UBXN6: variants seen among roughly 807,000 people sequenced by gnomAD.
UBXN6 encodes the protein UBX domain protein 6.
In UBXN6, 44 loss-of-function variants were observed where a neutral mutation model predicts 51.4. The observed-to-expected ratio is 0.86, with a 90% CI of 0.67 to 1.10. The LOEUF (loss-of-function observed/expected upper bound fraction) is 1.10, where lower values mean the gene tolerates loss of function less well. Among genes scored for constraint, UBXN6 ranks in the 50% least tolerant of loss-of-function variants. UBXN6 has a pLI of 0.00. For synonymous variants in UBXN6, 316 were observed against 263.2 expected, an observed-to-expected ratio of 1.20 and a Z score of -1.94; for missense variants, 672 against 596.1, an observed-to-expected ratio of 1.13 and a Z score of -1.32.
At chr19:4,450,963 A>G (rs892523599) in intron 4 of UBXN6, 9 of 152,212 alleles carry the variant, frequency 5.9e-5, no homozygotes, top group African/African-American at 1.9e-4. Flanking sequence ...GATTTACAGT[A>G]TGGTGAGAGG....
chr19:4,445,964 G>A, intron 10 of UBXN6, 85 bp downstream of exon 10: 3 of 1,508,664 alleles, frequency 2.0e-6, no homozygotes, highest in Non-Finnish European at 1.8e-6. Flanking sequence ...GAACAAGGAG[G>A]CTCCCTCCTG....
chr19:4,448,404 G>C lies in UBXN6; in HGVS notation c.453C>G (p.Thr151=), dbSNP rs772380278. 3.1e-6 allele frequency: 5 copies of C among 1,606,908 alleles called. No individual in the cohort carries two copies. The South Asian group carries it at 4.4e-5, about 14-fold the overall frequency. The change falls in exon 5 of 11, where the codon ACC becomes ACG. Residue 151 remains threonine, a synonymous_variant. Transcript: ENST00000301281. ...TCATGATGGAGGCGGCCACTGGGTC[G>C]GTGGAGAAGTGCTGGGAGGAGGGAA... ...IKEAILLHFS[T]DPVAASIMKI...
In UBXN6 at chr19:4,452,490, T is replaced by C. The variant is rs767747500; in HGVS notation, c.315A>G (p.Val105=). The C allele has an allele frequency of 3.7e-6, 6 of 1,610,462 alleles. No homozygotes were observed. Among genetic ancestry groups the C allele is most frequent in the Non-Finnish European group, 5.1e-6 (6 of 1,179,474 alleles). The change falls in exon 4 of 11, where the codon GTA becomes GTG. Residue 105 remains valine, a splice_region_variant and synonymous_variant. Transcript: ENST00000301281. The part of the protein sequence containing the change: ...GSPEAPGTNV[V]SEPREEGSAH... ...CAGAGCCTTCCTCTCTGGGCTCAGATACCTGGGGCGGTGAAAGCGTCCAAG... is the reference window on the plus strand; with the variant it reads ...CAGAGCCTTCCTCTCTGGGCTCAGACACCTGGGGCGGTGAAAGCGTCCAAG...
chr19:4,453,613 G>C, intron 2 of UBXN6, 91 bp from the exon 3 acceptor site: 1 of 1,477,284 alleles, frequency 6.8e-7, no homozygotes, highest in African/African-American at 1.4e-5. Context: ...GGGTGGGCCT[G>C]GGGGCCACGC....
upstream of UBXN6, chr19:4,457,800 A>ATT (rs1568194781): frequency 2.4e-5 from 9 of 371,146 alleles, 1 homozygote; most frequent in African/African-American, 5.3e-5. Flanking sequence ...AAAATTAAAA[A>ATT]AAAAAAAAAA....
At chr19:4,457,094 C>T (rs1484999234) in intron 1 of UBXN6, among the ~76,000 whole-genome samples, 1 of 152,158 alleles carries the variant, frequency 6.6e-6, no homozygotes. Context: ...AGCTGTGCGT[C>T]CTCCTCCAAG....
chr19:4,454,118 AGT>A, intron 1 of UBXN6, 25 bp from the exon 2 acceptor site: 1 of 1,504,360 alleles, frequency 6.6e-7, no homozygotes, highest in South Asian at 1.3e-5. Context: ...AGGGAGAGTG[AGT>A]GTATCCTCCC....
Position 4,446,279 on chromosome 19 carries a change from C to A in UBXN6, c.1051+4G>T. 6.4e-7 allele frequency: 1 copy of A among 1,570,966 alleles called. No homozygotes were observed. ...CGCCCTCCACGGGCATCGTTGGTGC[C>A]CACCCTGCAGGAGGCAGCCATCGGG... On this transcript the variant is annotated splice_donor_region_variant and intron_variant, in intron 9 of 10. Coordinates refer to ENST00000301281, the MANE Select transcript of UBXN6 (RefSeq NM_025241.3).
At chr19:4,447,029 C>T in intron 6 of UBXN6, 109 bp from the exon 7 acceptor site, 1 of 1,130,162 alleles carries the variant, frequency 8.8e-7, no homozygotes, top group Non-Finnish European at 1.3e-6. Context: ...AGCTGTCGAC[C>T]CCTGGATGGG....
In UBXN6 at chr19:4,446,193, A is replaced by C; in HGVS notation, c.1056T>G (p.Thr352=). 2.5e-6 allele frequency: 4 copies of C among 1,603,466 alleles called. 1 individual carries two copies. The South Asian group carries it at 4.4e-5, about 18-fold the overall frequency. Reference sequence around the variant, plus strand: ...CCCCCAGCCGCTCCCGAGCGTAGAAAGTGCCTGGGGAGTGGGGGAGTCAGA... The same window carrying C: ...CCCCCAGCCGCTCCCGAGCGTAGAACGTGCCTGGGGAGTGGGGGAGTCAGA... The part of the protein sequence containing the change: ...RLPDGCLLQG[T]FYARERLGAV... Residue 352 remains threonine, a synonymous_variant, in exon 10 of 11, where the codon ACT becomes ACG. Coordinates refer to ENST00000301281, the MANE Select transcript of UBXN6 (RefSeq NM_025241.3).
chr19:4,455,386 G>T, intron 1 of UBXN6: 1 of 791,896 alleles, frequency 1.3e-6, no homozygotes, highest in Non-Finnish European at 1.5e-6. Flanking sequence ...ATCTTGGGTG[G>T]AAGAGGAGAT....
chr19:4,449,416 G>A (rs927852402), intron 4 of UBXN6: 1 of 152,416 alleles, frequency 6.6e-6, no homozygotes, highest in Non-Finnish European at 1.5e-5. Context: ...TACACACTGA[G>A]CCGGGGCTCA....
intron 4 of UBXN6, 91 bp from the exon 5 acceptor site, chr19:4,448,506 G>C (rs1381090317): frequency 9.4e-7 from 1 of 1,067,038 alleles, no homozygotes; most frequent in Non-Finnish European, 1.4e-6. Context: ...GAAAAGGAAG[G>C]CAGAACAGCG....
At position 4,446,061 on chromosome 19, in the gene UBXN6, G is replaced by A. The variant is rs1167352893; in HGVS notation, c.1188C>T (p.Asn396=). ...GGCCGACACTCACCAGCCCGCACTC[G>A]TTCAAGGCCAGGTTCTCGTCCTCGG... ...KLSEDENLAL[N]ECGLVPSALL... is the part of the protein sequence containing the mutation. Residue 396 remains asparagine, a synonymous_variant, in exon 10 of 11, where the codon AAC becomes AAT. Coordinates refer to ENST00000301281, the MANE Select transcript of UBXN6 (RefSeq NM_025241.3). The A allele has an allele frequency of 5.0e-6, 8 of 1,611,828 alleles. No homozygotes were observed. The highest frequency in any genetic ancestry group is 4.5e-5 in the East Asian group (2 of 44,872).
chr19:4,446,811 A>T lies in UBXN6; in HGVS notation c.700+25T>A, dbSNP rs752239845. On this transcript the variant is annotated intron_variant, in intron 7 of 10. Transcript: ENST00000301281. ...CCGAGGCCCCTCGTCCCCATTCCCT[A>T]CTCAGCCAGGCCCTGTCCACTTACC... The T allele has an allele frequency of 6.2e-6, 10 of 1,613,546 alleles. No individual in the cohort carries two copies. In the South Asian group the frequency reaches 1.1e-4, roughly 18 times the overall value.
At chr19:4,457,293 G>C (rs1234443435) in intron 1 of UBXN6, among the ~76,000 whole-genome samples, 2 of 118,960 alleles carry the variant, frequency 1.7e-5, no homozygotes, top group Non-Finnish European at 3.5e-5. Flanking sequence ...CCACTGCATC[G>C]GACCCTCCTG....
intron 2 of UBXN6, 141 bp downstream of exon 2, chr19:4,453,789 C>T (rs1974695499): frequency 7.6e-7 from 1 of 1,309,564 alleles, no homozygotes; most frequent in Non-Finnish European, 1.0e-6. Context: ...CTTCCCCCAG[C>T]ACCTGCCCTT....
Position 4,445,618 on chromosome 19 carries a change from G to C in UBXN6, c.1206C>G (p.Pro402=). ...CCCACGAGAAGGTCAGGAGGGCAGA[G>C]GGCACCTGCGGTAGGGGTAGGCCGT... ...NLALNECGLV[P]SALLTFSWDM... The change falls in exon 11 of 11, where the codon CCC becomes CCG. Residue 402 remains proline (P), a synonymous_variant. Transcript: ENST00000301281. The C allele has an allele frequency of 6.2e-7, 1 of 1,612,912 alleles. No homozygotes were observed. The highest frequency in any genetic ancestry group is 1.1e-5 in the South Asian group (1 of 91,082).
At chr19:4,447,126 G>A (rs1253251512) in intron 6 of UBXN6, 1 of 607,872 alleles carries the variant, frequency 1.6e-6, no homozygotes, top group Admixed American at 2.9e-5. Flanking sequence ...TCTGCACAGA[G>A]GAAAGAGTCA....
Sources: allele counts gnomAD v4.1 joint callset (sites outside exome capture counted in the v4.1 genomes callset), GRCh38; gene constraint gnomAD v4.1.1; transcripts MANE v1.5; gene names NCBI Gene and HGNC (gene_info 2026-07-23, HGNC 2026-07-21).